The following JCAD variants were observed in gnomAD, a reference collection of about 807,000 sequenced individuals.
JCAD encodes the protein junctional cadherin 5 associated, also known as junctional cadherin 5-associated protein.
In JCAD, 40 loss-of-function variants were observed where a neutral mutation model predicts 98.0. The ratio of observed to expected loss-of-function variants is 0.41; its 90% CI spans 0.32 to 0.53. JCAD has a LOEUF of 0.53. Among genes scored for constraint, JCAD ranks in the 20% least tolerant of loss-of-function variants. JCAD has a pLI of 0.31. For missense variants in JCAD, 1,705 were observed against 1,738.1 expected, an observed-to-expected ratio of 0.98 and a Z score of 0.34; for synonymous variants, 691 against 682.3, an observed-to-expected ratio of 1.01 and a Z score of -0.20.
At chr10:30,052,229 A>C (rs1439986033) in intron 1 of JCAD, among the ~76,000 whole-genome samples, 1 of 152,176 alleles carries the variant, frequency 6.6e-6, no homozygotes, top group Non-Finnish European at 1.5e-5. Context: ...TCCATGGTGC[A>C]CGGTATTTAT....
Position 30,016,656 on chromosome 10 carries a change from G to C in JCAD, c.*1227C>G, listed in dbSNP as rs1406719268. 1 of 152,030 alleles carries C rather than the reference G, an allele frequency of 6.6e-6. No homozygotes were observed. The highest frequency in any genetic ancestry group is 1.5e-5 in the Non-Finnish European group (1 of 68,018). The allele number at this position is 152,030 out of a possible 1,614,324, so 9.4% of individuals were successfully genotyped here. Reference sequence around the variant, plus strand: ...AGATAAAAATACGTATTTCTTTAAAGGGGTGGGGTGGCAGGGTGGGAAGAA... The same window carrying C: ...AGATAAAAATACGTATTTCTTTAAACGGGTGGGGTGGCAGGGTGGGAAGAA... On this transcript the variant is annotated 3_prime_UTR_variant, in exon 4 of 4. Coordinates refer to ENST00000375377, the MANE Select transcript of JCAD (RefSeq NM_020848.4).
chr10:30,079,637 G>A (rs1838045506), intron 1 of JCAD, among the ~76,000 whole-genome samples: 1 of 152,126 alleles, frequency 6.6e-6, no homozygotes, highest in South Asian at 2.1e-4. Flanking sequence ...TCAGCTGAGG[G>A]GGCTTGCTCA....
chr10:30,018,279 T>C lies in JCAD; in HGVS notation c.4046-362A>G, dbSNP rs568599532. On this transcript the variant is annotated intron_variant, in intron 3 of 3. Transcript: ENST00000375377. ...GTAGATGTCTTATCTTTCTTTCTTC[T>C]TCTTCTTCTTCTTCTTCTTTTTTTT... Among the ~76,000 whole-genome samples the C allele has an allele frequency of 7.0e-5, 9 of 128,678 alleles. No homozygotes were observed. The South Asian group carries it at 2.0e-3, about 29-fold the overall frequency. 84.4% of individuals were successfully genotyped at this position (128,678 alleles called of 152,430 possible). A position where few individuals can be genotyped will look rare whatever the true frequency, so the allele number is the denominator to read the frequency against.
chr10:30,036,277 G>A (rs370545831), intron 2 of JCAD, among the ~76,000 whole-genome samples: 17 of 152,140 alleles, frequency 1.1e-4, no homozygotes, highest in South Asian at 4.2e-4. Flanking sequence ...ATGAAACCCC[G>A]TCTGTACTAA....
chr10:30,106,922 C>A (rs1838595624), intron 1 of JCAD, among the ~76,000 whole-genome samples: 1 of 152,238 alleles, frequency 6.6e-6, no homozygotes, highest in South Asian at 2.1e-4. Context: ...TGTAGGGAGA[C>A]CACGGCTGGG....
chr10:30,074,449 G>C (rs1837946583), intron 1 of JCAD, among the ~76,000 whole-genome samples: 1 of 152,136 alleles, frequency 6.6e-6, no homozygotes, highest in Non-Finnish European at 1.5e-5. Context: ...ACAGATCGGG[G>C]GTCATGAGGG....
At chr10:30,071,878 T>C (rs774763994) in intron 1 of JCAD, among the ~76,000 whole-genome samples, 6 of 152,170 alleles carry the variant, frequency 3.9e-5, no homozygotes, top group Non-Finnish European at 8.8e-5. Flanking sequence ...CTGACACTAA[T>C]ACATTATTGC....
chr10:30,039,610 C>T (rs369779331), intron 2 of JCAD, among the ~76,000 whole-genome samples: 9 of 152,212 alleles, frequency 5.9e-5, no homozygotes, highest in African/African-American at 1.9e-4. Flanking sequence ...CTTGGGGAGC[C>T]GGATGAACCT....
intron 1 of JCAD, among the ~76,000 whole-genome samples, chr10:30,108,392 T>A (rs1350048872): frequency 1.3e-5 from 2 of 152,002 alleles, no homozygotes; most frequent in Non-Finnish European, 2.9e-5. Context: ...CTCCAAGGCT[T>A]TCTCTTTATT....
Position 30,040,231 on chromosome 10 carries a change from T to C in JCAD, c.281+7301A>G, listed in dbSNP as rs1161538901. Among the ~76,000 whole-genome samples the C allele has an allele frequency of 5.9e-5, 9 of 152,310 alleles. No individual in the cohort carries two copies. The East Asian group carries it at 1.5e-3, about 26-fold the overall frequency. On this transcript the variant is annotated intron_variant, in intron 2 of 3. Coordinates refer to ENST00000375377, the MANE Select transcript of JCAD (RefSeq NM_020848.4). ...CACAAGACGCTGCTCCTCCTGGGGA[T>C]GGCTGGTCTCTGATGAAGAAGCTAC...
At chr10:30,048,770 G>A (rs1837409336) in intron 1 of JCAD, among the ~76,000 whole-genome samples, 1 of 152,082 alleles carries the variant, frequency 6.6e-6, no homozygotes, top group South Asian at 2.1e-4. Context: ...GTTTCACCAT[G>A]TTGGCCAGGC....
intron 1 of JCAD, among the ~76,000 whole-genome samples, chr10:30,103,627 CACA>C (rs373313114): frequency 0.23 from 34,754 of 151,528 alleles, 4,696 homozygotes; most frequent in East Asian, 0.33. Flanking sequence ...CACACACACA[CACA>C]CCCACACACA....
chr10:30,052,972 CT>C (rs1463887666), intron 1 of JCAD, among the ~76,000 whole-genome samples: 1 of 152,208 alleles, frequency 6.6e-6, no homozygotes, highest in African/African-American at 2.4e-5. Flanking sequence ...TCAACCAGAA[CT>C]TTTTTCCTTT....
At position 30,028,431 on chromosome 10, in the gene JCAD, T is replaced by G. The variant is rs1435765063; in HGVS notation, c.1717A>C (p.Lys573Gln). The change falls in exon 3 of 4, where the codon AAA becomes CAA. Residue 573 changes from lysine (K) to glutamine (Q), a missense_variant. This residue lies in a region of JCAD where 1,278 missense variants were observed against 1,243.1 expected (regional missense o/e 1.03). Coordinates refer to ENST00000375377, the MANE Select transcript of JCAD (RefSeq NM_020848.4). ...CAAAATATAGTCTCGTTCATTTTTT[T>G]CTTTGAACTTTTCTTGGTCCGAGTC... ...TGTRTKKSSK[K>Q]KMNETIFCLV... The G allele has an allele frequency of 6.2e-7, 1 of 1,614,118 alleles. No individual in the cohort carries two copies. The highest frequency in any genetic ancestry group is 1.3e-5 in the African/African-American group (1 of 74,962).
At chr10:30,054,236 T>C (rs1837524086) in intron 1 of JCAD, among the ~76,000 whole-genome samples, 1 of 152,204 alleles carries the variant, frequency 6.6e-6, no homozygotes, top group African/African-American at 2.4e-5. Context: ...TATACATATG[T>C]ACTTGAAAGG....
intron 1 of JCAD, among the ~76,000 whole-genome samples, chr10:30,078,868 G>C (rs1407643306): frequency 6.6e-6 from 1 of 152,206 alleles, no homozygotes; most frequent in Non-Finnish European, 1.5e-5. Context: ...GTACACGCCA[G>C]TAAAAGAAGG....
intron 2 of JCAD, among the ~76,000 whole-genome samples, chr10:30,034,341 A>G (rs1321615509): frequency 6.6e-6 from 1 of 152,210 alleles, no homozygotes. Flanking sequence ...CTGGAAAACC[A>G]GAAAATATCC....
chr10:30,070,460 T>C (rs1837864619), intron 1 of JCAD, among the ~76,000 whole-genome samples: 1 of 152,198 alleles, frequency 6.6e-6, no homozygotes, highest in African/African-American at 2.4e-5. Context: ...AAGAATGAAT[T>C]GAGCACCATT....
chr10:30,064,651 C>CA lies in JCAD; in HGVS notation n.250+5048dup, dbSNP rs911893114. On this transcript the variant is annotated intron_variant and non_coding_transcript_variant, in intron 2 of 2. Coordinates refer to the JCAD transcript ENST00000465712. ...TAAATGAAACTTTGTACCCATTGAC[C>CA]AAAAAAACCCCACGTTCTCTCTTTT... Among the ~76,000 whole-genome samples the CA allele has an allele frequency of 1.6e-3, 247 of 150,848 alleles. 4 individuals carry two copies. Among genetic ancestry groups the CA allele is most frequent in the Middle Eastern group, 0.01 (3 of 294 alleles).
Sources: gnomAD v4.1 joint callset for allele counts (sites outside exome capture counted in the v4.1 genomes callset) on GRCh38, gnomAD v4.1.1 for gene constraint, gnomAD v4.1.1 regional missense constraint, MANE v1.5 for transcripts, NCBI Gene and HGNC (gene_info 2026-07-23, HGNC 2026-07-21) for gene names.